The following PHKB variants were observed in gnomAD, a reference collection of about 807,000 sequenced individuals.
PHKB encodes phosphorylase b kinase regulatory subunit beta.
A neutral mutation model predicts 152.1 loss-of-function variants in PHKB; 122 were observed. The ratio of observed to expected loss-of-function variants is 0.80; its 90% confidence interval spans 0.69 to 0.93. PHKB has a LOEUF of 0.93. PHKB is among the 40% of genes least tolerant of loss of function. The pLI is 0.00. For synonymous variants in PHKB, 436 were observed against 464.9 expected (o/e 0.94, Z 0.80); for missense variants, 1,304 against 1,328.4 (o/e 0.98, Z 0.29).
At chr16:47,504,472 T>G (rs1440301809) in intron 4 of PHKB, among the ~76,000 whole-genome samples, 2 of 152,160 alleles carry the variant, frequency 1.3e-5, no homozygotes, top group Non-Finnish European at 2.9e-5. Context: ...TGTGAGAGAA[T>G]AGTGGAAACC....
intron 6 of PHKB, among the ~76,000 whole-genome samples, chr16:47,515,906 A>G (rs1970587574): frequency 6.6e-6 from 1 of 151,362 alleles, no homozygotes; most frequent in Admixed American, 6.6e-5. Flanking sequence ...GCAAAATAAC[A>G]TTTGCAGATT....
intron 26 of PHKB, among the ~76,000 whole-genome samples, chr16:47,681,346 AT>A (rs1379783236): frequency 6.7e-6 from 1 of 148,416 alleles, no homozygotes; most frequent in African/African-American, 2.4e-5. Context: ...TGTCTCGTTG[AT>A]CTGTCAAATG....
At chr16:47,669,064 T>C (rs1258125873) in intron 25 of PHKB, 151 bp from the exon 26 acceptor site, 2 of 644,814 alleles carry the variant, frequency 3.1e-6, no homozygotes, top group Non-Finnish European at 5.5e-6. Flanking sequence ...TGAAAGCCAT[T>C]TTAATAAATA....
intron 13 of PHKB, among the ~76,000 whole-genome samples, chr16:47,609,063 T>C (rs971357556): frequency 1.2e-4 from 19 of 152,320 alleles, no homozygotes; most frequent in African/African-American, 4.6e-4. Context: ...CTTTATTAGG[T>C]TGAATACATT....
At chr16:47,489,176 C>G (rs561625328) in intron 1 of PHKB, among the ~76,000 whole-genome samples, 1 of 152,094 alleles carries the variant, frequency 6.6e-6, no homozygotes, top group African/African-American at 2.4e-5. Flanking sequence ...CTCAGCCTCC[C>G]GAGTATCTGG....
chr16:47,546,980 C>A (rs1971181073), intron 6 of PHKB, among the ~76,000 whole-genome samples: 1 of 152,144 alleles, frequency 6.6e-6, no homozygotes, highest in African/African-American at 2.4e-5. Flanking sequence ...ATTTAGGTGA[C>A]AGTGTCCCAA....
chr16:47,477,957 T>G (rs572706924), intron 1 of PHKB, among the ~76,000 whole-genome samples: 60 of 152,288 alleles, frequency 3.9e-4, no homozygotes, highest in African/African-American at 1.3e-3. Context: ...CTTAACCATT[T>G]AAATTTCAGG....
intron 4 of PHKB, among the ~76,000 whole-genome samples, chr16:47,506,235 G>T (rs1340327444): frequency 1.3e-5 from 2 of 151,220 alleles, no homozygotes; most frequent in Non-Finnish European, 1.5e-5. Flanking sequence ...GTGATAACAA[G>T]TCTTCTTCTT....
chr16:47,470,818 A>G (rs577600007), intron 1 of PHKB, among the ~76,000 whole-genome samples: 1 of 152,076 alleles, frequency 6.6e-6, no homozygotes, highest in East Asian at 1.9e-4. Context: ...TGTTTATTGG[A>G]CCTCTCTGAT....
chr16:47,640,993 A>T, intron 14 of PHKB, 42 bp from the exon 15 acceptor site: 1 of 1,542,580 alleles, frequency 6.5e-7, no homozygotes, highest in East Asian at 2.2e-5. Context: ...TGATGACCAG[A>T]TCTTTTAAAA....
intron 14 of PHKB, among the ~76,000 whole-genome samples, chr16:47,615,163 G>A (rs1389005645): frequency 6.6e-6 from 1 of 152,124 alleles, no homozygotes; most frequent in South Asian, 2.1e-4. Flanking sequence ...ATGCCACTGG[G>A]TAGAGGGCCA....
intron 26 of PHKB, among the ~76,000 whole-genome samples, chr16:47,669,625 G>T (rs564362543): frequency 6.6e-6 from 1 of 152,144 alleles, no homozygotes; most frequent in Non-Finnish European, 1.5e-5. Flanking sequence ...TTTCACACCC[G>T]AGTTAGACAT....
chr16:47,660,816 G>A lies in PHKB; in HGVS notation c.2193G>A (p.Leu731=). ...DKPTHEILQK[L]NDCSCLASQA... ...CCACCCACGAAATTCTTCAAAAACT[G>A]AATGTGAGACAGATGCACTTCCCAC... The change falls in exon 22 of 31, where the codon CTG becomes CTA. Residue 731 remains leucine (L), a synonymous_variant. Transcript: ENST00000323584. 1.2e-6 allele frequency: 2 copies of A among 1,613,898 alleles called. No individual in the cohort carries two copies. The highest frequency in any genetic ancestry group is 1.7e-6 in the Non-Finnish European group (2 of 1,179,846).
At chr16:47,590,201 T>C (rs1888828551) in intron 10 of PHKB, 1 of 152,188 alleles carries the variant, frequency 6.6e-6, no homozygotes, top group Non-Finnish European at 1.5e-5. Flanking sequence ...TTTTAAGTTG[T>C]TTGGCAATTA....
chr16:47,639,745 A>G (rs1309628074), intron 14 of PHKB, among the ~76,000 whole-genome samples: 1 of 152,000 alleles, frequency 6.6e-6, no homozygotes, highest in African/African-American at 2.4e-5. Context: ...GTATGTTTTC[A>G]TTTGCTTTTT....
At chr16:47,558,259 C>T (rs1971415204) in intron 7 of PHKB, among the ~76,000 whole-genome samples, 1 of 150,156 alleles carries the variant, frequency 6.7e-6, no homozygotes, top group Non-Finnish European at 1.5e-5. Flanking sequence ...GGAGGGATAG[C>T]ATTAGGAGAT....
In PHKB at chr16:47,494,805, A is replaced by G. The variant is rs73547297; in HGVS notation, c.77-2594A>G. 9.9e-3 allele frequency among the ~76,000 whole-genome samples: 1,500 copies of G among 152,278 alleles called. 24 individuals are homozygous for G. The highest frequency in any genetic ancestry group is 0.035 in the African/African-American group (1,452 of 41,542). On this transcript the variant is annotated intron_variant, in intron 1 of 30. Transcript: ENST00000323584. ...TCTATTAATTGCTGTCTCCATTTTT[A>G]CTGGCATTGATGCTTTCCAGATGTC...
intron 1 of PHKB, among the ~76,000 whole-genome samples, chr16:47,474,572 TA>T (rs530825044): frequency 1.8e-4 from 27 of 151,352 alleles, no homozygotes; most frequent in South Asian, 1.0e-3. Flanking sequence ...TTCTGTATAC[TA>T]AAAAAAAATG....
chr16:47,565,052 A>G (rs983450009), intron 7 of PHKB: 3 of 430,704 alleles, frequency 7.0e-6, no homozygotes, highest in African/African-American at 2.1e-5. Context: ...GGTGCAGAGA[A>G]AGTAGGAGAA....
Sources: gnomAD v4.1 joint callset for allele counts (sites outside exome capture counted in the v4.1 genomes callset) on GRCh38, gnomAD v4.1.1 for gene constraint, MANE v1.5 for transcripts, NCBI Gene and HGNC (gene_info 2026-07-23, HGNC 2026-07-21) for gene names.